The following GPHN variants were observed in gnomAD, a reference collection of about 807,000 sequenced individuals.
GPHN encodes the protein gephyrin.
A neutral mutation model predicts 95.5 loss-of-function variants in GPHN; 17 were observed. The observed-to-expected ratio is 0.18, with a 90% CI of 0.12 to 0.27. GPHN has a LOEUF of 0.27. GPHN is among the 10% of genes least tolerant of loss of function. The probability of loss-of-function intolerance (pLI) is 1.00; values close to 1 mark genes in which losing one functional copy is unlikely to be tolerated. For synonymous variants in GPHN, 320 were observed against 322.5 expected (o/e 0.99, Z 0.08); for missense variants, 660 against 978.1 (o/e 0.67, Z 4.34).
At chr14:67,202,657 T>C in the GPHN span, among the ~76,000 whole-genome samples, 1 of 152,182 alleles carries the variant, frequency 6.6e-6, no homozygotes, top group Non-Finnish European at 1.5e-5. Context: ...GAATATTGCA[T>C]ATTATTTGTA....
At chr14:67,634,568 TG>T in the GPHN span, among the ~76,000 whole-genome samples, 1 of 146,296 alleles carries the variant, frequency 6.8e-6, no homozygotes, top group South Asian at 2.2e-4. Context: ...CACTCCATCT[TG>T]GGCAACAGAA....
the GPHN span, among the ~76,000 whole-genome samples, chr14:67,316,520 T>C: frequency 1.3e-5 from 2 of 152,190 alleles, no homozygotes; most frequent in Non-Finnish European, 2.9e-5. Flanking sequence ...CATTGTAAGA[T>C]CCAGGATAGT....
the GPHN span, among the ~76,000 whole-genome samples, chr14:67,468,919 T>TA: frequency 1.4e-3 from 197 of 145,138 alleles, 1 homozygote; most frequent in African/African-American, 4.0e-3. Context: ...TAATTTTTTT[T>TA]AAAAAAAAAA....
the GPHN span, chr14:67,317,299 C>CA: frequency 5.9e-6 from 6 of 1,013,056 alleles, no homozygotes; most frequent in South Asian, 1.8e-5. Context: ...CTCGTTTCTG[C>CA]AAAAAAATTT....
intron 18 of GPHN, among the ~76,000 whole-genome samples, chr14:67,147,575 C>T (rs1214782860): frequency 6.6e-6 from 1 of 152,076 alleles, no homozygotes; most frequent in African/African-American, 2.4e-5. Context: ...CTCACTCTGT[C>T]ACCCAGGGTA....
the GPHN span, among the ~76,000 whole-genome samples, chr14:67,458,741 AG>A: frequency 1.3e-5 from 2 of 152,030 alleles, no homozygotes; most frequent in African/African-American, 4.8e-5. Context: ...GTTTGGTTTG[AG>A]GCAGGGTCTC....
At chr14:67,249,309 A>G in the GPHN span, among the ~76,000 whole-genome samples, 1 of 152,186 alleles carries the variant, frequency 6.6e-6, no homozygotes, top group Non-Finnish European at 1.5e-5. Context: ...AATGACAGTA[A>G]TTGTAGTAAT....
the GPHN span, among the ~76,000 whole-genome samples, chr14:67,286,566 C>A: frequency 3.9e-5 from 6 of 152,096 alleles, no homozygotes; most frequent in Admixed American, 3.3e-4. Flanking sequence ...GGAAAATTAA[C>A]TGTTCTTAGC....
intron 2 of GPHN, among the ~76,000 whole-genome samples, chr14:66,768,103 A>C (rs141936325): frequency 3.3e-5 from 5 of 151,990 alleles, no homozygotes; most frequent in African/African-American, 4.8e-5. Flanking sequence ...CAAATTTATG[A>C]GGAAGATTAA....
chr14:67,040,381 T>G (rs555209329), intron 10 of GPHN, among the ~76,000 whole-genome samples: 1 of 152,276 alleles, frequency 6.6e-6, no homozygotes, highest in South Asian at 2.1e-4. Context: ...AATGTGTATT[T>G]CCTTCCAAAA....
At chr14:67,147,316 G>A (rs890587256) in intron 18 of GPHN, among the ~76,000 whole-genome samples, 1 of 151,998 alleles carries the variant, frequency 6.6e-6, no homozygotes, top group Non-Finnish European at 1.5e-5. Context: ...TCTCTGTTTC[G>A]GGCATAAACT....
intron 2 of GPHN, among the ~76,000 whole-genome samples, chr14:66,756,613 G>A (rs996423340): frequency 2.6e-5 from 4 of 152,142 alleles, no homozygotes; most frequent in Non-Finnish European, 4.4e-5. Flanking sequence ...AAGTTTTTAA[G>A]TGATCAATCC....
At chr14:67,055,170 G>A (rs952032628) in intron 10 of GPHN, among the ~76,000 whole-genome samples, 1 of 152,138 alleles carries the variant, frequency 6.6e-6, no homozygotes, top group African/African-American at 2.4e-5. Flanking sequence ...CAGAATGGGA[G>A]AAAATTATTG....
At chr14:67,542,725 AG>A in the GPHN span, among the ~76,000 whole-genome samples, 1 of 151,840 alleles carries the variant, frequency 6.6e-6, no homozygotes, top group East Asian at 1.9e-4. Context: ...ATTGAGATGG[AG>A]TTTCGCTCTT....
the GPHN span, among the ~76,000 whole-genome samples, chr14:67,523,006 T>C: frequency 6.6e-6 from 1 of 152,128 alleles, no homozygotes; most frequent in Non-Finnish European, 1.5e-5. Context: ...TACTGTGCTG[T>C]TTTGAGAACT....
chr14:67,273,930 G>T, the GPHN span, among the ~76,000 whole-genome samples: 1 of 152,190 alleles, frequency 6.6e-6, no homozygotes, highest in Non-Finnish European at 1.5e-5. Context: ...CTTTTGAGAA[G>T]TGTCTGTTCA....
At chr14:67,122,586 T>C (rs1012295036) in intron 17 of GPHN, among the ~76,000 whole-genome samples, 3 of 152,250 alleles carry the variant, frequency 2.0e-5, no homozygotes, top group Admixed American at 2.0e-4. Context: ...AGAGAAATAC[T>C]TTACTTTCCT....
the GPHN span, among the ~76,000 whole-genome samples, chr14:67,612,865 A>G: frequency 6.6e-6 from 1 of 152,098 alleles, no homozygotes; most frequent in Non-Finnish European, 1.5e-5. Context: ...GACTCTCTTG[A>G]ACCAGGGAGG....
chr14:67,549,279 T>C, the GPHN span, among the ~76,000 whole-genome samples: 2 of 151,600 alleles, frequency 1.3e-5, no homozygotes, highest in Non-Finnish European at 2.9e-5. Context: ...TTTAATTTTT[T>C]TTTTTTTTTG....
Sources: gnomAD v4.1 joint callset for allele counts (sites outside exome capture counted in the v4.1 genomes callset) on GRCh38, gnomAD v4.1.1 for gene constraint, MANE v1.5 for transcripts, NCBI Gene and HGNC (gene_info 2026-07-23, HGNC 2026-07-21) for gene names.